The following ABCA9 variants were observed in gnomAD, a reference collection of about 807,000 sequenced individuals.
ABCA9 encodes ATP binding cassette subfamily A member 9.
A neutral mutation model predicts 205.3 loss-of-function variants in ABCA9; 183 were observed. That is an observed-to-expected ratio of 0.89 (90% confidence interval 0.79 to 1.01). ABCA9 has a LOEUF of 1.01. ABCA9 is among the 50% of genes least tolerant of loss of function. The pLI is 0.00. For missense variants in ABCA9, 1,805 were observed against 1,912.4 expected, an observed-to-expected ratio of 0.94 and a Z score of 1.05; for synonymous variants, 651 against 683.3, an observed-to-expected ratio of 0.95 and a Z score of 0.74.
chr17:69,028,801 C>T (rs2071074102), intron 11 of ABCA9, among the ~76,000 whole-genome samples, 156 bp from the exon 12 acceptor site: 1 of 152,100 alleles, frequency 6.6e-6, no homozygotes, highest in African/African-American at 2.4e-5. Context: ...TGTATTTCAA[C>T]ATTTTGTAGT....
intron 37 of ABCA9, among the ~76,000 whole-genome samples, chr17:68,981,075 T>C (rs535612858): frequency 6.8e-6 from 1 of 147,976 alleles, no homozygotes; most frequent in South Asian, 2.2e-4. Context: ...AAGTAGAGAG[T>C]GGAATGATGG....
chr17:69,003,291 GA>G (rs1287257197), intron 25 of ABCA9, among the ~76,000 whole-genome samples: 1 of 151,420 alleles, frequency 6.6e-6, no homozygotes, highest in African/African-American at 2.4e-5. Flanking sequence ...CTTCCTTCAG[GA>G]GCTCTTTTAG....
At chr17:69,050,152 T>C (rs537494125) in intron 2 of ABCA9, among the ~76,000 whole-genome samples, 1 of 152,122 alleles carries the variant, frequency 6.6e-6, no homozygotes, top group Non-Finnish European at 1.5e-5. Flanking sequence ...TCTATCTTAA[T>C]AGAAAAATAA....
intron 34 of ABCA9, among the ~76,000 whole-genome samples, 193 bp from the exon 35 acceptor site, chr17:68,984,368 A>G (rs1475442601): frequency 6.6e-6 from 1 of 152,202 alleles, no homozygotes; most frequent in Admixed American, 6.5e-5. Context: ...AACGTAGAAA[A>G]TGATATTGGG....
At chr17:69,020,040 G>A (rs1356351883) in intron 19 of ABCA9, 2 of 197,624 alleles carry the variant, frequency 1.0e-5, no homozygotes, top group African/African-American at 4.7e-5. Context: ...CATTTCCCTG[G>A]GGAACCCTGA....
chr17:68,983,745 A>G lies in ABCA9; in HGVS notation c.4604T>C (p.Ile1535Thr). Residue 1535 changes from isoleucine (I) to threonine (T), a missense_variant, in exon 36 of 39, where the codon ATC (isoleucine) becomes ACC (threonine). Physicochemically the swap from Ile to Thr is moderately conservative, Grantham distance 89 (BLOSUM62 -1). Transcript: ENST00000340001. The stretch of plus-strand genomic sequence containing the variant: ...AGCAGCCTGGGGGAAAAGCCTCAGG[A>G]TCTCTGCATGGAGGGGCTCCATTTG... Reference protein sequence around the residue: ...LAQMEPLHAEILRLFPQAAQQ... With the variant: ...LAQMEPLHAETLRLFPQAAQQ... 1.2e-6 allele frequency: 2 copies of G among 1,614,226 alleles called. No homozygotes were observed. The highest frequency in any genetic ancestry group is 1.7e-6 in the Non-Finnish European group (2 of 1,180,040).
intron 6 of ABCA9, among the ~76,000 whole-genome samples, chr17:69,039,899 T>C (rs1352591853): frequency 2.0e-5 from 3 of 152,076 alleles, no homozygotes; most frequent in Non-Finnish European, 4.4e-5. Context: ...GCAAAGGATA[T>C]GAACAGACAC....
chr17:69,030,079 G>A (rs2071109954), intron 10 of ABCA9, among the ~76,000 whole-genome samples: 1 of 152,086 alleles, frequency 6.6e-6, no homozygotes, highest in Non-Finnish European at 1.5e-5. Context: ...TGAGTTCAAG[G>A]ACTACTTACT....
intron 37 of ABCA9, 31 bp downstream of exon 37, chr17:68,982,531 C>T: frequency 6.5e-7 from 1 of 1,550,214 alleles, no homozygotes; most frequent in Middle Eastern, 1.7e-4. Context: ...ATCTGTTTCC[C>T]AGAGTTTTGT....
intron 30 of ABCA9, 101 bp downstream of exon 30, chr17:68,989,712 C>T (rs1225888584): frequency 1.1e-5 from 8 of 724,856 alleles, no homozygotes; most frequent in East Asian, 5.1e-5. Context: ...TAGCCTGCTG[C>T]GTTTGTCAAT....
intron 13 of ABCA9, 48 bp from the exon 14 acceptor site, chr17:69,027,497 A>T (rs1352512832): frequency 1.3e-6 from 2 of 1,576,748 alleles, no homozygotes; most frequent in South Asian, 1.2e-5. Context: ...AGTTTATTTT[A>T]AAAACACTAT....
At position 69,021,799 on chromosome 17, in the gene ABCA9, T is replaced by C; in HGVS notation, c.2344A>G (p.Thr782Ala). ...TTCAGAAACACCTCATTCAAAGTTGTTATGGAAACACCATAATCCTCAATG... is the reference window on the plus strand; with the variant it reads ...TTCAGAAACACCTCATTCAAAGTTGCTATGGAAACACCATAATCCTCAATG... Reference protein sequence around the residue: ...QGIEDYGVSITTLNEVFLKLE... With the variant: ...QGIEDYGVSIATLNEVFLKLE... Residue 782 changes from threonine to alanine, a missense_variant, in exon 18 of 39, where the codon ACA (threonine) becomes GCA (alanine). Thr to Ala is a moderately conservative substitution (Grantham distance 58, BLOSUM62 0). Transcript: ENST00000340001. 1 of 1,598,088 alleles carries C rather than the reference T, an allele frequency of 6.3e-7. No homozygotes were observed. Among genetic ancestry groups the C allele is most frequent in the Non-Finnish European group, 8.5e-7 (1 of 1,171,636 alleles).
chr17:69,045,490 T>C (rs1263259952), intron 3 of ABCA9, among the ~76,000 whole-genome samples, 154 bp from the exon 4 acceptor site: 1 of 145,578 alleles, frequency 6.9e-6, no homozygotes, highest in Non-Finnish European at 1.5e-5. Context: ...GGTGGGAATT[T>C]CTGATGTTCT....
chr17:69,029,739 G>T (rs1394898572), intron 10 of ABCA9, among the ~76,000 whole-genome samples: 1 of 152,122 alleles, frequency 6.6e-6, no homozygotes, highest in Non-Finnish European at 1.5e-5. Context: ...ATATGGGGAT[G>T]ACATTAATTA....
At chr17:69,078,476 C>T in the ABCA9 span, among the ~76,000 whole-genome samples, 24 of 152,114 alleles carry the variant, frequency 1.6e-4, no homozygotes, top group Admixed American at 1.3e-4. Context: ...GGATTACAGG[C>T]GTGAGCCACT....
chr17:69,064,639 T>A (rs1033273055), upstream of ABCA9, among the ~76,000 whole-genome samples: 4 of 152,116 alleles, frequency 2.6e-5, no homozygotes. Context: ...ATGGTAGAGA[T>A]TAAAGGAAAT....
chr17:68,989,671 A>T (rs1227195795), intron 30 of ABCA9, 142 bp downstream of exon 30: 1 of 571,176 alleles, frequency 1.8e-6, no homozygotes, highest in Non-Finnish European at 3.1e-6. Context: ...TTATCATTTC[A>T]ACTGAGGCTT....
chr17:68,975,654 C>A lies in ABCA9; in HGVS notation c.*261G>T. ...AATGTAGACAATTCTATAATAAATG[C>A]ATTTTTAAACTTAACACAGTAGGAA... On this transcript the variant is annotated 3_prime_UTR_variant, in exon 39 of 39. Transcript: ENST00000340001. 1 of 297,974 alleles carries A rather than the reference C, an allele frequency of 3.4e-6. No homozygotes were observed. Among genetic ancestry groups the A allele is most frequent in the South Asian group, 1.0e-4 (1 of 9,582 alleles). The allele number at this position is 297,974 out of a possible 1,614,324, so 18.5% of individuals were successfully genotyped here. A position where few individuals can be genotyped will look rare whatever the true frequency, so the allele number is the denominator to read the frequency against.
At position 69,026,422 on chromosome 17, in the gene ABCA9, G is replaced by C; in HGVS notation, c.2096C>G (p.Ser699Cys). ...CCATTTCTTCTTAAGGAACAGAGAAGAGCCTGCACACTTCAGCTTCCCATT... is the reference window on the plus strand; with the variant it reads ...CCATTTCTTCTTAAGGAACAGAGAACAGCCTGCACACTTCAGCTTCCCATT... ...ISNGKLKCAG[S>C]SLFLKKKWGI... The change falls in exon 16 of 39, where the codon TCT (serine) becomes TGT (cysteine). Residue 699 changes from serine to cysteine, a missense_variant. Ser to Cys is a moderately radical substitution (Grantham distance 112, BLOSUM62 -1). Transcript: ENST00000340001. The C allele has an allele frequency of 6.2e-7, 1 of 1,613,890 alleles. No homozygotes were observed. Among genetic ancestry groups the C allele is most frequent in the Non-Finnish European group, 8.5e-7 (1 of 1,179,834 alleles).
Sources: allele counts gnomAD v4.1 joint callset (sites outside exome capture counted in the v4.1 genomes callset), GRCh38; gene constraint gnomAD v4.1.1; transcripts MANE v1.5; gene names NCBI Gene and HGNC (gene_info 2026-07-23, HGNC 2026-07-21).